Variants in UBXN4 observed in about 807,000 individuals in gnomAD.
The protein encoded by UBXN4 is UBX domain protein 4.
A neutral mutation model predicts 66.2 loss-of-function variants in UBXN4; 35 were observed. The observed-to-expected ratio is 0.53, with a 90% CI of 0.40 to 0.70. The LOEUF (loss-of-function observed/expected upper bound fraction) is 0.70. Ranked by LOEUF, UBXN4 falls within the 30% of genes least tolerant of loss-of-function variation. The pLI, the probability that UBXN4 is intolerant of heterozygous loss-of-function variation, is 0.00. For synonymous variants in UBXN4, 203 were observed against 204.5 expected, an observed-to-expected ratio of 0.99 and a Z score of 0.06; for missense variants, 533 against 599.8, an observed-to-expected ratio of 0.89 and a Z score of 1.16.
chr2:135,751,726 A>G (rs2077242926), intron 2 of UBXN4, among the ~76,000 whole-genome samples: 1 of 151,864 alleles, frequency 6.6e-6, no homozygotes, highest in Non-Finnish European at 1.5e-5. Context: ...TAAAAAGTTT[A>G]CAATTATTTC....
chr2:135,745,612 A>G (rs1259825741), intron 1 of UBXN4, among the ~76,000 whole-genome samples: 2 of 152,174 alleles, frequency 1.3e-5, no homozygotes, highest in African/African-American at 2.4e-5. Context: ...GAATGAATGG[A>G]AAGGATTTCT....
chr2:135,741,904 G>T lies in UBXN4; in HGVS notation c.-26G>T, dbSNP rs774559339. ...CGGGACTGCGGAGACTACACACCGA[G>T]CGAGCGCCTGGGCCCGAAGGGAGCG... On this transcript the variant is annotated 5_prime_UTR_variant, in exon 1 of 13. Coordinates refer to ENST00000272638, the MANE Select transcript of UBXN4 (RefSeq NM_014607.4). The T allele has an allele frequency of 1.6e-5, 26 of 1,603,786 alleles. No individual in the cohort carries two copies. Among genetic ancestry groups the T allele is most frequent in the East Asian group, 2.3e-5 (1 of 44,288 alleles).
In UBXN4 at chr2:135,783,306, A is replaced by G. The variant is rs1419425925; in HGVS notation, c.*419A>G. The stretch of plus-strand genomic sequence containing the variant: ...GTCAGAGCATTTTAACTAGCCACTC[A>G]GATGAGAATTTATGTTTAACTTCTC... On this transcript the variant is annotated 3_prime_UTR_variant, in exon 13 of 13. Coordinates refer to ENST00000272638, the MANE Select transcript of UBXN4 (RefSeq NM_014607.4). 6.5e-6 allele frequency: 1 copy of G among 153,176 alleles called. No individual in the cohort carries two copies. Among genetic ancestry groups the G allele is most frequent in the Non-Finnish European group, 1.5e-5 (1 of 68,714 alleles). The allele number at this position is 153,176 out of a possible 1,614,324, so 9.5% of individuals were successfully genotyped here. A position where few individuals can be genotyped will look rare whatever the true frequency, so the allele number is the denominator to read the frequency against.
rs749865495 is a variant in UBXN4 at position 135,778,189 on chromosome 2, C to CA, written c.1054-750dup. On this transcript the variant is annotated intron_variant, in intron 10 of 12. Coordinates refer to ENST00000272638, the MANE Select transcript of UBXN4 (RefSeq NM_014607.4). ...AAGACTGTCTCAAAAAAAAAAAAAA[C>CA]AAAAAAAAACCCAAAAAACAAAAAT... Among the ~76,000 whole-genome samples the CA allele has an allele frequency of 6.3e-3, 654 of 104,620 alleles. 5 individuals are homozygous for CA. Among genetic ancestry groups the CA allele is most frequent in the Admixed American group, 8.7e-3 (81 of 9,364 alleles). 68.6% of individuals were successfully genotyped at this position (104,620 alleles called of 152,430 possible).
intron 2 of UBXN4, among the ~76,000 whole-genome samples, chr2:135,750,358 A>G (rs974329105): frequency 2.0e-5 from 3 of 152,068 alleles, no homozygotes. Context: ...AATGTGTTTG[A>G]AAATCACTGT....
intron 6 of UBXN4, among the ~76,000 whole-genome samples, chr2:135,763,645 C>G (rs1317939706): frequency 5.3e-5 from 8 of 151,820 alleles, no homozygotes; most frequent in African/African-American, 1.9e-4. Flanking sequence ...GGCAACATGG[C>G]AAAACCCCAT....
intron 9 of UBXN4, among the ~76,000 whole-genome samples, chr2:135,775,063 A>G (rs2077404998): frequency 6.6e-6 from 1 of 152,228 alleles, no homozygotes. Context: ...CAACATCATT[A>G]GTCATTAGGG....
intron 11 of UBXN4, 35 bp downstream of exon 11, chr2:135,779,114 A>C (rs757664420): frequency 7.8e-6 from 12 of 1,543,084 alleles, no homozygotes; most frequent in Non-Finnish European, 1.0e-5. Flanking sequence ...TTCTCTTCTT[A>C]TTGTTTTCTG....
chr2:135,753,680 T>C (rs1198846067), intron 3 of UBXN4, 113 bp downstream of exon 3: 2 of 986,130 alleles, frequency 2.0e-6, no homozygotes, highest in Non-Finnish European at 1.4e-6. Context: ...TACATTCTTT[T>C]TTATGGAAAC....
At chr2:135,766,523 A>G (rs906847623) in intron 6 of UBXN4, among the ~76,000 whole-genome samples, 1 of 152,070 alleles carries the variant, frequency 6.6e-6, no homozygotes, top group Non-Finnish European at 1.5e-5. Flanking sequence ...AATCCAAGAC[A>G]CTTCTTGTTT....
At chr2:135,780,438 C>T (rs1247542892) in intron 12 of UBXN4, 53 bp downstream of exon 12, 4 of 1,563,784 alleles carry the variant, frequency 2.6e-6, no homozygotes, top group Non-Finnish European at 3.5e-6. Context: ...TGCCCAGTAT[C>T]TTTTTTAAGT....
chr2:135,780,244 G>A lies in UBXN4; in HGVS notation c.1247G>A (p.Gly416Glu). ...AGCGGAGACATTTGGACCTTGTTGG[G>A]AACAGTGCTTTATCCATTCCTTGCC... The part of the protein sequence containing the change: ...SSSGDIWTLL[G>E]TVLYPFLAIW... The change falls in exon 12 of 13, where the codon GGA becomes GAA. Residue 416 changes from glycine (G) to glutamate (E), a missense_variant. Physicochemically the swap from Gly to Glu is moderately conservative, Grantham distance 98 (BLOSUM62 -2). Transcript: ENST00000272638. 1 of 1,614,044 alleles carries A rather than the reference G, an allele frequency of 6.2e-7. No individual in the cohort carries two copies. Among genetic ancestry groups the A allele is most frequent in the Non-Finnish European group, 8.5e-7 (1 of 1,179,998 alleles).
In UBXN4 at chr2:135,783,744, A is replaced by G. The variant is rs2105512153; in HGVS notation, c.*857A>G. ...ACCTTTAACTGACGTTTTGTCCTCA[A>G]TAATTACACAAGGACCTAGAGTACC... On this transcript the variant is annotated 3_prime_UTR_variant, in exon 13 of 13. Coordinates refer to ENST00000272638, the MANE Select transcript of UBXN4 (RefSeq NM_014607.4). The G allele has an allele frequency of 6.6e-6, 1 of 152,326 alleles. No individual in the cohort carries two copies. The highest frequency in any genetic ancestry group is 6.5e-5 in the Admixed American group (1 of 15,300). 9.4% of individuals were successfully genotyped at this position (152,326 alleles called of 1,614,324 possible).
intron 2 of UBXN4, among the ~76,000 whole-genome samples, chr2:135,749,891 TTTG>T (rs1195442580): frequency 6.6e-6 from 1 of 152,222 alleles, no homozygotes; most frequent in Non-Finnish European, 1.5e-5. Flanking sequence ...CACCAGGTCA[TTTG>T]TTCTATACAT....
At chr2:135,756,823 G>A (rs199532109) in intron 5 of UBXN4, among the ~76,000 whole-genome samples, 2 of 152,154 alleles carry the variant, frequency 1.3e-5, no homozygotes, top group East Asian at 3.9e-4. Context: ...TCTTCATTCT[G>A]GAAGGATATT....
chr2:135,751,869 T>G (rs958211310), intron 2 of UBXN4, among the ~76,000 whole-genome samples: 1 of 152,126 alleles, frequency 6.6e-6, no homozygotes, highest in African/African-American at 2.4e-5. Context: ...GTTTGATTAT[T>G]GGAAGCATCT....
chr2:135,754,470 C>T (rs907245334), intron 4 of UBXN4, among the ~76,000 whole-genome samples, 193 bp downstream of exon 4: 14 of 152,170 alleles, frequency 9.2e-5, no homozygotes, highest in African/African-American at 3.4e-4. Flanking sequence ...TTACAGGCAC[C>T]TGCCACCACA....
intron 1 of UBXN4, among the ~76,000 whole-genome samples, chr2:135,744,025 T>A (rs1575311873): frequency 6.6e-6 from 1 of 152,226 alleles, no homozygotes; most frequent in Non-Finnish European, 1.5e-5. Flanking sequence ...CTAGCTTTTT[T>A]AGAGCTTTAG....
At chr2:135,761,626 T>A (rs1177886844) in intron 5 of UBXN4, among the ~76,000 whole-genome samples, 192 bp from the exon 6 acceptor site, 3 of 152,234 alleles carry the variant, frequency 2.0e-5, no homozygotes, top group Non-Finnish European at 2.9e-5. Context: ...TTATTTCTAT[T>A]TGTGAACAAT....
Sources: gnomAD v4.1 joint callset for allele counts (sites outside exome capture counted in the v4.1 genomes callset) on GRCh38, gnomAD v4.1.1 for gene constraint, MANE v1.5 for transcripts, NCBI Gene and HGNC (gene_info 2026-07-23, HGNC 2026-07-21) for gene names.